Variants in GPR158 observed in about 807,000 individuals in gnomAD.
The protein encoded by GPR158 is metabotropic glycine receptor.
GPR158 carries 30 observed loss-of-function variants against 78.2 expected under a neutral mutation model. The observed-to-expected ratio is 0.38, with a 90% CI of 0.29 to 0.52. The LOEUF (loss-of-function observed/expected upper bound fraction) is 0.52, where lower values mean the gene tolerates loss of function less well. Ranked by LOEUF, GPR158 falls within the 20% of genes least tolerant of loss-of-function variation. The probability of loss-of-function intolerance (pLI) is 0.83; values close to 1 mark genes in which losing one functional copy is unlikely to be tolerated. For missense variants in GPR158, 1,463 were observed against 1,523.5 expected (o/e 0.96, Z 0.66); for synonymous variants, 581 against 591.1 (o/e 0.98, Z 0.25).
At chr10:25,583,373 C>A (rs1837228556) in intron 7 of GPR158, among the ~76,000 whole-genome samples, 1 of 152,194 alleles carries the variant, frequency 6.6e-6, no homozygotes, top group East Asian at 1.9e-4. Flanking sequence ...CTTAACAATT[C>A]TAACAGAAGA....
rs147262888 is a variant in GPR158, at chr10:25,309,852, G to A, written c.1009-86059G>A. 5.4e-4 allele frequency among the ~76,000 whole-genome samples: 82 copies of A among 152,194 alleles called. 1 individual carries two copies. The East Asian group carries it at 0.013, about 24-fold the overall frequency. On this transcript the variant is annotated intron_variant, in intron 2 of 10. Coordinates refer to ENST00000376351, the MANE Select transcript of GPR158 (RefSeq NM_020752.3). ...CTTTGCCTTCTGCCATGATTATGAG[G>A]CCTCCTCAGCCATGTGGAACTGTGA...
At chr10:25,387,256 T>C (rs1834234609) in intron 2 of GPR158, among the ~76,000 whole-genome samples, 1 of 152,216 alleles carries the variant, frequency 6.6e-6, no homozygotes, top group African/African-American at 2.4e-5. Flanking sequence ...CTTCATTCTG[T>C]TGATGTGTGT....
intron 4 of GPR158, among the ~76,000 whole-genome samples, chr10:25,464,892 T>C (rs925149115): frequency 1.3e-5 from 2 of 152,232 alleles, no homozygotes; most frequent in African/African-American, 2.4e-5. Context: ...TTTAAATGCT[T>C]GCTGATAGAA....
At chr10:25,589,862 G>A (rs1193959463) in intron 8 of GPR158, among the ~76,000 whole-genome samples, 1 of 152,040 alleles carries the variant, frequency 6.6e-6, no homozygotes, top group Admixed American at 6.6e-5. Context: ...GAAACTCTCA[G>A]GGCAGAACTA....
intron 2 of GPR158, among the ~76,000 whole-genome samples, chr10:25,335,361 C>T (rs1340002): frequency 0.059 from 8,895 of 152,020 alleles, 329 homozygotes; most frequent in East Asian, 0.17. Context: ...TGAAGTGATG[C>T]GATAACAGCT....
At chr10:25,414,186 A>G (rs1588851567) in intron 4 of GPR158, among the ~76,000 whole-genome samples, 1 of 152,190 alleles carries the variant, frequency 6.6e-6, no homozygotes, top group East Asian at 1.9e-4. Flanking sequence ...AAAATATTAC[A>G]TTGGATATTT....
rs764364901 is a variant in GPR158, at chr10:25,598,016, G to A, written c.2390G>A (p.Gly797Glu). Residue 797 changes from glycine (G) to glutamate (E), a missense_variant, in exon 11 of 11, where the codon GGG becomes GAG. Transcript: ENST00000376351. ...AGGAAGAACCCCCCAGAGTCTTCAG[G>A]GAACACAGGGAAATCCAAGGAGGAG... ...LIRKNPPESSGNTGKSKEETL... is the reference protein window; with the variant it reads ...LIRKNPPESSENTGKSKEETL... 3 of 1,614,072 alleles carry A rather than the reference G, an allele frequency of 1.9e-6. No individual in the cohort carries two copies. In the East Asian group the frequency reaches 6.7e-5, roughly 36 times the overall value.
intron 2 of GPR158, among the ~76,000 whole-genome samples, chr10:25,241,610 T>C (rs1347849648): frequency 1.3e-5 from 2 of 151,868 alleles, no homozygotes; most frequent in Non-Finnish European, 2.9e-5. Context: ...TTAGTAGAGA[T>C]GGGGTTTCAC....
chr10:25,335,571 T>A, intron 2 of GPR158, among the ~76,000 whole-genome samples: 1 of 152,046 alleles, frequency 6.6e-6, no homozygotes, highest in East Asian at 1.9e-4. Context: ...TTGTGTTTTG[T>A]CCAGTAACGA....
At position 25,600,733 on chromosome 10, in the gene GPR158, A is replaced by G. The variant is rs1837485523; in HGVS notation, c.*1459A>G. On this transcript the variant is annotated 3_prime_UTR_variant, in exon 11 of 11. Coordinates refer to ENST00000376351, the MANE Select transcript of GPR158 (RefSeq NM_020752.3). Reference sequence around the variant, plus strand: ...CACTGGAAAATGTCTAAGTCCTGCAAATTGCCATTGTGAGCCACTTGCTCG... The same window carrying G: ...CACTGGAAAATGTCTAAGTCCTGCAGATTGCCATTGTGAGCCACTTGCTCG... 2 of 152,536 alleles carry G rather than the reference A, an allele frequency of 1.3e-5. No individual in the cohort carries two copies. The highest frequency in any genetic ancestry group is 4.8e-5 in the African/African-American group (2 of 41,444). The allele number at this position is 152,536 out of a possible 1,614,324, so 9.4% of individuals were successfully genotyped here. A position where few individuals can be genotyped will look rare whatever the true frequency, so the allele number is the denominator to read the frequency against.
At chr10:25,345,837 G>A (rs1039413272) in intron 2 of GPR158, among the ~76,000 whole-genome samples, 4 of 152,002 alleles carry the variant, frequency 2.6e-5, no homozygotes, top group Admixed American at 2.0e-4. Flanking sequence ...GCCCCCAGAC[G>A]AGGTCTAGGA....
In GPR158 at chr10:25,363,738, A is replaced by T. The variant is rs1855676162; in HGVS notation, c.1009-32173A>T. 1.3e-5 allele frequency among the ~76,000 whole-genome samples: 2 copies of T among 151,800 alleles called. 1 individual carries two copies. Among genetic ancestry groups the T allele is most frequent in the South Asian group, 4.1e-4 (2 of 4,822 alleles). ...CCTGCTATGTGGTGCCTGCTTCTTA[A>T]TGCTGTCCCTGATCCTCAGTTCAAG... On this transcript the variant is annotated intron_variant, in intron 2 of 10. Coordinates refer to ENST00000376351, the MANE Select transcript of GPR158 (RefSeq NM_020752.3).
intron 4 of GPR158, among the ~76,000 whole-genome samples, chr10:25,458,520 G>A (rs1835319037): frequency 6.6e-6 from 1 of 152,146 alleles, no homozygotes; most frequent in Non-Finnish European, 1.5e-5. Flanking sequence ...AGCCGAGTGA[G>A]CTTCACTTCT....
rs145732954 is a variant in GPR158, at chr10:25,542,499, A to G, written c.1405-8477A>G. On this transcript the variant is annotated intron_variant, in intron 5 of 10. Coordinates refer to ENST00000376351, the MANE Select transcript of GPR158 (RefSeq NM_020752.3). ...ATTTTCTGTCTCTATCAATGTGTCTATACTTGCAAATAAGTTATTCTGTTA... is the reference window on the plus strand; with the variant it reads ...ATTTTCTGTCTCTATCAATGTGTCTGTACTTGCAAATAAGTTATTCTGTTA... Among the ~76,000 whole-genome samples the G allele has an allele frequency of 5.3e-4, 80 of 152,230 alleles. 2 individuals are homozygous for G. The highest frequency in any genetic ancestry group is 1.6e-3 in the African/African-American group (67 of 41,552).
intron 5 of GPR158, among the ~76,000 whole-genome samples, chr10:25,517,495 A>G (rs971287829): frequency 2.6e-5 from 4 of 152,104 alleles, no homozygotes; most frequent in East Asian, 1.9e-4. Context: ...TCAGTATGAT[A>G]TAGGCTGTGG....
intron 2 of GPR158, among the ~76,000 whole-genome samples, chr10:25,285,303 G>C (rs887582598): frequency 1.3e-5 from 2 of 152,024 alleles, no homozygotes; most frequent in Non-Finnish European, 2.9e-5. Flanking sequence ...ATGTATGTAT[G>C]TATGTATGTG....
chr10:25,332,500 CAT>C (rs1855140471), intron 2 of GPR158, among the ~76,000 whole-genome samples: 1 of 152,108 alleles, frequency 6.6e-6, no homozygotes, highest in South Asian at 2.1e-4. Flanking sequence ...GAAATTGAGA[CAT>C]AGAACATGGC....
At chr10:25,497,922 A>C (rs16925980) in intron 5 of GPR158, among the ~76,000 whole-genome samples, 10,239 of 152,252 alleles carry the variant, frequency 0.067, 992 homozygotes, top group African/African-American at 0.2. Context: ...AAACCTTGTA[A>C]AAATAATTTA....
intron 7 of GPR158, among the ~76,000 whole-genome samples, chr10:25,581,617 A>T (rs1325337292): frequency 6.6e-6 from 1 of 152,208 alleles, no homozygotes; most frequent in Non-Finnish European, 1.5e-5. Context: ...AATGTAAATA[A>T]TAAATAAATA....
Sources: allele counts gnomAD v4.1 joint callset (sites outside exome capture counted in the v4.1 genomes callset), GRCh38; gene constraint gnomAD v4.1.1; transcripts MANE v1.5; gene names NCBI Gene and HGNC (gene_info 2026-07-23, HGNC 2026-07-21).